Variants in ZPBP observed in about 807,000 individuals in gnomAD.
ZPBP encodes zona pellucida binding protein.
In ZPBP, 26 loss-of-function variants were observed where a neutral mutation model predicts 44.8. The ratio of observed to expected loss-of-function variants is 0.58; its 90% CI spans 0.43 to 0.81. ZPBP has a LOEUF of 0.81. Ranked by LOEUF, ZPBP falls within the 30% of genes least tolerant of loss-of-function variation. ZPBP has a pLI of 0.00. For synonymous variants in ZPBP, 174 were observed against 153.2 expected (o/e 1.14, Z -1.00); for missense variants, 409 against 434.0 (o/e 0.94, Z 0.51).
At chr7:49,924,148 TAATAATAATAAC>T (rs1794139270) in intron 1 of ZPBP, among the ~76,000 whole-genome samples, 1 of 149,480 alleles carries the variant, frequency 6.7e-6, no homozygotes, top group East Asian at 1.9e-4. Context: ...ATAATAATAA[TAATAATAATAAC>T]AACGTTATAA....
In ZPBP at chr7:49,911,979, T is replaced by C. The variant is rs115729805; in HGVS notation, n.412-10764A>G. 2.7e-4 allele frequency: 378 copies of C among 1,381,824 alleles called. 1 individual carries two copies. In the African/African-American group the frequency reaches 5.1e-3, roughly 19 times the overall value. 85.6% of individuals were successfully genotyped at this position (1,381,824 alleles called of 1,614,324 possible). A position where few individuals can be genotyped will look rare whatever the true frequency, so the allele number is the denominator to read the frequency against. On this transcript the variant is annotated intron_variant and non_coding_transcript_variant, in intron 1 of 2. Transcript: ENST00000465922. ...TACTGTAATGCTTAATACCTAATTA[T>C]ATATATTATATATTTATGCACACAT... is the stretch of plus-strand genomic sequence containing the variant.
rs555672593 is a variant in ZPBP, at chr7:49,992,073, G to A, written c.784-8554C>T. ...CAAAGAAAATAAATTTGATTACAAA[G>A]GGGAGAAAACAAGGATTCTTAGAGG... On this transcript the variant is annotated intron_variant, in intron 6 of 7. Transcript: ENST00000046087. Among the ~76,000 whole-genome samples, 21 of 152,202 alleles carry A rather than the reference G, an allele frequency of 1.4e-4. No individual in the cohort carries two copies. In the South Asian group the frequency reaches 4.3e-3, roughly 32 times the overall value.
At chr7:50,053,527 C>T (rs1800789480) in intron 4 of ZPBP, among the ~76,000 whole-genome samples, 1 of 152,138 alleles carries the variant, frequency 6.6e-6, no homozygotes, top group Admixed American at 6.5e-5. Context: ...ACATTATTTC[C>T]TTAGCTTTGT....
In ZPBP at chr7:50,004,802, G is replaced by A. The variant is rs191125223; in HGVS notation, c.783+13438C>T. On this transcript the variant is annotated intron_variant, in intron 6 of 7. Transcript: ENST00000046087. The stretch of plus-strand genomic sequence containing the variant: ...AATATGAATAGAACCTAAGCGATAT[G>A]TGAGATACCATATCAAGTTGATCAG... Among the ~76,000 whole-genome samples the A allele has an allele frequency of 6.4e-4, 98 of 152,170 alleles. 4 individuals are homozygous for A. Among genetic ancestry groups the A allele is most frequent in the African/African-American group, 2.2e-3 (93 of 41,490 alleles).
intron 2 of ZPBP, among the ~76,000 whole-genome samples, chr7:49,893,013 T>A (rs1792210969): frequency 6.6e-6 from 1 of 152,230 alleles, no homozygotes; most frequent in East Asian, 1.9e-4. Flanking sequence ...GACACTTTTT[T>A]AAACAGGTTA....
chr7:50,030,179 A>G (rs1218750386), intron 5 of ZPBP, among the ~76,000 whole-genome samples: 1 of 152,112 alleles, frequency 6.6e-6, no homozygotes, highest in Non-Finnish European at 1.5e-5. Flanking sequence ...CCTATTAAAC[A>G]GACCCAGGGG....
chr7:50,032,180 A>G (rs1799635650), intron 4 of ZPBP, among the ~76,000 whole-genome samples: 1 of 151,396 alleles, frequency 6.6e-6, no homozygotes, highest in Admixed American at 6.6e-5. Context: ...AAACCTCTAT[A>G]GGTTTCATTT....
At chr7:49,995,207 G>A (rs548005898) in intron 6 of ZPBP, among the ~76,000 whole-genome samples, 29 of 152,254 alleles carry the variant, frequency 1.9e-4, no homozygotes, top group African/African-American at 5.3e-4. Flanking sequence ...ATGGACCAGC[G>A]TGATATCTTG....
At chr7:49,894,882 C>T (rs550838104) in intron 2 of ZPBP, among the ~76,000 whole-genome samples, 1 of 152,220 alleles carries the variant, frequency 6.6e-6, no homozygotes, top group Non-Finnish European at 1.5e-5. Context: ...GCAACTAGGG[C>T]AGCAGTAGGC....
chr7:50,011,451 A>G (rs770482439), intron 6 of ZPBP, among the ~76,000 whole-genome samples: 4 of 152,160 alleles, frequency 2.6e-5, no homozygotes, highest in Non-Finnish European at 4.4e-5. Context: ...AAAGTCTAAA[A>G]TATTTACTAT....
At chr7:49,869,263 CA>C (rs924585434) in intron 2 of ZPBP, among the ~76,000 whole-genome samples, 1 of 152,038 alleles carries the variant, frequency 6.6e-6, no homozygotes, top group African/African-American at 2.4e-5. Flanking sequence ...TAAGCCTTTG[CA>C]AAATACACAG....
chr7:49,888,266 C>G (rs1287492482), intron 2 of ZPBP, among the ~76,000 whole-genome samples: 1 of 152,196 alleles, frequency 6.6e-6, no homozygotes, highest in Non-Finnish European at 1.5e-5. Context: ...AATCCTGCTC[C>G]TAATTCTACT....
At chr7:49,980,058 TA>T (rs1240403102) in intron 7 of ZPBP, among the ~76,000 whole-genome samples, 1 of 84,890 alleles carries the variant, frequency 1.2e-5, no homozygotes, top group Non-Finnish European at 2.1e-5. Context: ...AATATAATTT[TA>T]TATTATATTA....
At chr7:49,865,265 T>A (rs528194029) in intron 2 of ZPBP, among the ~76,000 whole-genome samples, 1 of 152,182 alleles carries the variant, frequency 6.6e-6, no homozygotes, top group Non-Finnish European at 1.5e-5. Context: ...ATGAAAGAGT[T>A]GATCTCTGAA....
chr7:50,059,465 G>A lies in ZPBP; in HGVS notation c.335-1324C>T, dbSNP rs146508200. On this transcript the variant is annotated intron_variant, in intron 3 of 7. Coordinates refer to ENST00000046087, the MANE Select transcript of ZPBP (RefSeq NM_007009.3). ...AATGTGATATGAATTTAGAATACAT[G>A]TCTATTGTAATGCCTATTTCTTCAT... Among the ~76,000 whole-genome samples, 367 of 152,220 alleles carry A rather than the reference G, an allele frequency of 2.4e-3. 7 individuals carry two copies. The highest frequency in any genetic ancestry group is 4.5e-3 in the Non-Finnish European group (307 of 68,010).
intron 4 of ZPBP, among the ~76,000 whole-genome samples, chr7:50,040,698 G>A (rs1584101298): frequency 6.6e-6 from 1 of 152,226 alleles, no homozygotes; most frequent in South Asian, 2.1e-4. Flanking sequence ...ACACCACCAG[G>A]GCCCTGAGTT....
chr7:50,088,797 T>C (rs1327253660), intron 2 of ZPBP, among the ~76,000 whole-genome samples: 2 of 152,004 alleles, frequency 1.3e-5, no homozygotes, highest in Admixed American at 1.3e-4. Flanking sequence ...CCCTCATACA[T>C]TGCTGGTGTG....
At chr7:49,892,130 C>T (rs551922352) in intron 2 of ZPBP, among the ~76,000 whole-genome samples, 29 of 148,212 alleles carry the variant, frequency 2.0e-4, no homozygotes, top group East Asian at 9.9e-4. Context: ...CTGCAAGCTC[C>T]GCCTCCCGGG....
At chr7:50,053,162 A>G (rs1270259975) in intron 4 of ZPBP, among the ~76,000 whole-genome samples, 4 of 152,200 alleles carry the variant, frequency 2.6e-5, no homozygotes, top group Non-Finnish European at 5.9e-5. Flanking sequence ...CTTACAAGAT[A>G]TTACAATTTG....
Sources: gnomAD v4.1 joint callset for allele counts (sites outside exome capture counted in the v4.1 genomes callset) on GRCh38, gnomAD v4.1.1 for gene constraint, MANE v1.5 for transcripts, NCBI Gene and HGNC (gene_info 2026-07-23, HGNC 2026-07-21) for gene names.